ZNF451: variants seen among roughly 807,000 people sequenced by gnomAD.
ZNF451 encodes E3 SUMO-protein ligase ZNF451.
ZNF451 carries 80 observed loss-of-function variants against 107.1 expected under a neutral mutation model. The observed-to-expected ratio is 0.75, with a 90% confidence interval of 0.62 to 0.90. The LOEUF (loss-of-function observed/expected upper bound fraction) is 0.90. Ranked by LOEUF, ZNF451 falls within the 40% of genes least tolerant of loss-of-function variation. The probability of loss-of-function intolerance (pLI) is 0.00; values close to 1 mark genes in which losing one functional copy is unlikely to be tolerated. For missense variants in ZNF451, 1,107 were observed against 1,236.2 expected (o/e 0.90, Z 1.57); for synonymous variants, 362 against 406.5 (o/e 0.89, Z 1.32).
Position 57,101,142 on chromosome 6 carries a change from A to G in ZNF451, c.186+2001A>G, listed in dbSNP as rs1200014150. 3.2e-6 allele frequency: 5 copies of G among 1,550,778 alleles called. No homozygotes were observed. In the South Asian group the frequency reaches 4.8e-5, roughly 15 times the overall value. On this transcript the variant is annotated intron_variant, in intron 3 of 14. Transcript: ENST00000370706. ...AAGAAGAAACTGATTACAAATCACC[A>G]TCAGCTGATGACAAAGGGCAGCCAT...
At chr6:57,105,185 G>A (rs1454685504) in intron 3 of ZNF451, 10 of 985,152 alleles carry the variant, frequency 1.0e-5, no homozygotes, top group Non-Finnish European at 9.6e-6. Flanking sequence ...AACCTCTAAC[G>A]TTTAAATACC....
Position 57,168,140 on chromosome 6 carries a change from A to G in ZNF451, c.3140-283A>G, listed in dbSNP as rs147012476. On this transcript the variant is annotated intron_variant, in intron 14 of 14. Transcript: ENST00000370706. The stretch of plus-strand genomic sequence containing the variant: ...TTTTTAAATGTTGAAACAAATGATT[A>G]CCTGTCAGTGATTTTAAAAGTTTGT... Among the ~76,000 whole-genome samples, 111 of 152,246 alleles carry G rather than the reference A, an allele frequency of 7.3e-4. 1 individual carries two copies. The East Asian group carries it at 0.019, about 26-fold the overall frequency.
chr6:57,161,910 T>G (rs17681711), intron 14 of ZNF451, among the ~76,000 whole-genome samples: 5,983 of 152,326 alleles, frequency 0.039, 177 homozygotes, highest in Non-Finnish European at 0.065. Flanking sequence ...AGCTATTTCC[T>G]TCCATAGGTT....
At position 57,148,101 on chromosome 6, in the gene ZNF451, T is replaced by G. The variant is rs1330979778; in HGVS notation, c.2016T>G (p.Cys672Trp). 1 of 1,614,092 alleles carries G rather than the reference T, an allele frequency of 6.2e-7. No individual in the cohort carries two copies. Among genetic ancestry groups the G allele is most frequent in the Non-Finnish European group, 8.5e-7 (1 of 1,179,978 alleles). ...EIKIKYFCGL[C>W]DLIFNVEEAF... The stretch of plus-strand genomic sequence containing the variant: ...AGATTAAATACTTCTGTGGGCTTTG[T>G]GATCTTATCTTTAATGTGGAAGAAG... The change falls in exon 10 of 15, where the codon TGT (cysteine) becomes TGG (tryptophan). Residue 672 changes from cysteine (C) to tryptophan (W), a missense_variant. Around this residue, in one of 5 missense-constraint regions of ZNF451, gnomAD observed 608 missense variants for 649.2 expected, o/e 0.94. Coordinates refer to ENST00000370706, the MANE Select transcript of ZNF451 (RefSeq NM_001031623.3).
intron 9 of ZNF451, among the ~76,000 whole-genome samples, chr6:57,146,330 G>A (rs1314402266): frequency 6.6e-6 from 1 of 152,136 alleles, no homozygotes; most frequent in Non-Finnish European, 1.5e-5. Context: ...TGAGGACTTA[G>A]TCATAAATTT....
rs1038403999 is a variant in ZNF451 at position 57,141,434 on chromosome 6, C to T, written c.835C>T (p.His279Tyr). 1 of 1,611,056 alleles carries T rather than the reference C, an allele frequency of 6.2e-7. No individual in the cohort carries two copies. The highest frequency in any genetic ancestry group is 8.5e-7 in the Non-Finnish European group (1 of 1,178,490). ...SKHMSGKNHF[H>Y]QSFKLGDNKG... ...GCATATGTCTGGAAAGAATCATTTC[C>T]ATCAGAGTTTCAAACTGGGTGGTAT... Residue 279 changes from histidine to tyrosine, a missense_variant, in exon 8 of 15, where the codon CAT (histidine) becomes TAT (tyrosine). This residue lies in a region of ZNF451 where 339 missense variants were observed against 372.8 expected (regional missense o/e 0.91). Transcript: ENST00000370706.
At chr6:57,153,819 A>T (rs370467428) in intron 12 of ZNF451, 42 bp from the exon 13 acceptor site, 341 of 1,599,588 alleles carry the variant, frequency 2.1e-4, no homozygotes, top group Admixed American at 1.0e-4. Context: ...TTTGAAACTC[A>T]TGCTGATTTT....
At chr6:57,143,249 T>A (rs1172842596) in intron 9 of ZNF451, among the ~76,000 whole-genome samples, 1 of 152,194 alleles carries the variant, frequency 6.6e-6, no homozygotes, top group Non-Finnish European at 1.5e-5. Context: ...TTTATGGTTA[T>A]GCTTTCTGTG....
At chr6:57,153,805 T>C in intron 12 of ZNF451, 56 bp from the exon 13 acceptor site, 1 of 1,567,236 alleles carries the variant, frequency 6.4e-7, no homozygotes, top group Non-Finnish European at 8.8e-7. Flanking sequence ...TAGATGTAAC[T>C]TGTTTTGAAA....
At chr6:57,107,403 A>T (rs1829913003) in intron 3 of ZNF451, 2 of 981,442 alleles carry the variant, frequency 2.0e-6, no homozygotes, top group Non-Finnish European at 1.2e-6. Context: ...TGTCCCTTTT[A>T]AAAAAAATAT....
chr6:57,130,054 C>G lies in ZNF451; in HGVS notation c.424+1214C>G, dbSNP rs1297670260. Among the ~76,000 whole-genome samples the G allele has an allele frequency of 2.6e-5, 4 of 152,148 alleles. No individual in the cohort carries two copies. The East Asian group carries it at 5.8e-4, about 22-fold the overall frequency. ...TTATATGTCTGTCTCTTCCACCCAG[C>G]TATGTGCTTCTTGGGCACAAAGACC... On this transcript the variant is annotated intron_variant, in intron 5 of 14. Transcript: ENST00000370706.
chr6:57,136,198 CATG>C (rs543234791), intron 7 of ZNF451, among the ~76,000 whole-genome samples: 76 of 152,250 alleles, frequency 5.0e-4, no homozygotes, highest in Admixed American at 9.2e-4. Flanking sequence ...TAAATAGTAA[CATG>C]ATCATAAAGA....
intron 9 of ZNF451, among the ~76,000 whole-genome samples, chr6:57,143,334 A>G (rs1339236132): frequency 6.6e-6 from 1 of 152,040 alleles, no homozygotes; most frequent in African/African-American, 2.4e-5. Context: ...ATATTTTTAA[A>G]TATTTATGTT....
At chr6:57,119,463 G>C (rs977437800) in intron 3 of ZNF451, among the ~76,000 whole-genome samples, 10 of 152,128 alleles carry the variant, frequency 6.6e-5, no homozygotes, top group African/African-American at 2.4e-4. Context: ...GGCAGAGGTT[G>C]CAGTGAGCCG....
chr6:57,103,377 T>C, intron 3 of ZNF451: 5 of 985,432 alleles, frequency 5.1e-6, no homozygotes, highest in Non-Finnish European at 6.0e-6. Flanking sequence ...AATTGGTTAC[T>C]TAATTTAGTC....
At chr6:57,124,566 G>A in intron 3 of ZNF451, 168 bp from the exon 4 acceptor site, 2 of 700,754 alleles carry the variant, frequency 2.9e-6, no homozygotes, top group East Asian at 5.4e-5. Flanking sequence ...AGATGCTGGT[G>A]GATAATTGAC....
chr6:57,141,157 C>G (rs1045566791), intron 7 of ZNF451, 145 bp from the exon 8 acceptor site: 2 of 711,740 alleles, frequency 2.8e-6, no homozygotes, highest in Non-Finnish European at 4.0e-6. Flanking sequence ...TTCCATAATT[C>G]ACACTCAGGG....
intron 7 of ZNF451, among the ~76,000 whole-genome samples, chr6:57,136,664 A>G (rs571146308): frequency 6.6e-6 from 1 of 152,298 alleles, no homozygotes; most frequent in African/African-American, 2.4e-5. Flanking sequence ...TTCCAGAATT[A>G]GAGTTCTTTC....
chr6:57,148,860 C>T (rs1029060943), intron 10 of ZNF451, among the ~76,000 whole-genome samples, 167 bp downstream of exon 10: 1 of 152,034 alleles, frequency 6.6e-6, no homozygotes, highest in African/African-American at 2.4e-5. Context: ...TACATTTATC[C>T]ACTTTCTAAA....
Sources: allele counts gnomAD v4.1 joint callset (sites outside exome capture counted in the v4.1 genomes callset), GRCh38; gene constraint gnomAD v4.1.1; regional missense constraint gnomAD v4.1.1; transcripts MANE v1.5; gene names NCBI Gene and HGNC (gene_info 2026-07-23, HGNC 2026-07-21).